Variants in PCDH11X observed in about 807,000 individuals in gnomAD.
PCDH11X encodes the protein protocadherin 11 X-linked.
Under a neutral mutation model 53.3 loss-of-function variants are expected in PCDH11X, and 18 were observed. The ratio of observed to expected loss-of-function variants is 0.34; its 90% CI spans 0.23 to 0.50. The LOEUF is 0.50. Among genes scored for constraint, PCDH11X ranks in the 20% least tolerant of loss-of-function variants. PCDH11X has a pLI of 0.98. For missense variants in PCDH11X, 570 were observed against 1,032.4 expected, an observed-to-expected ratio of 0.55 and a Z score of 6.14; for synonymous variants, 279 against 393.3, an observed-to-expected ratio of 0.71 and a Z score of 3.44.
At chrX:91,902,090 G>A in intron 6 of PCDH11X, among the ~76,000 whole-genome samples, 1 of 111,457 alleles carries the variant, frequency 9.0e-6, no homozygotes, top group Admixed American at 9.5e-5. Context: ...AGATGTTAGG[G>A]CCATGTTATT....
chrX:92,564,315 A>C (rs1484789194), intron 10 of PCDH11X, among the ~76,000 whole-genome samples: 1 of 105,504 alleles, frequency 9.5e-6, no homozygotes, highest in Non-Finnish European at 2.0e-5. Flanking sequence ...AGTCAAAGCT[A>C]TTCTGAGCCA....
intron 5 of PCDH11X, among the ~76,000 whole-genome samples, chrX:91,842,709 A>G (rs2147636109): frequency 9.6e-6 from 1 of 104,552 alleles, no homozygotes; most frequent in Non-Finnish European, 1.9e-5. Context: ...TTGCTGGTAA[A>G]CTGAGGAAAG....
intron 8 of PCDH11X, among the ~76,000 whole-genome samples, chrX:92,274,982 A>G (rs938633263): frequency 1.3e-4 from 14 of 109,955 alleles, no homozygotes; most frequent in African/African-American, 4.6e-4. Context: ...AACAATGGTA[A>G]TTGTGGGACT....
intron 10 of PCDH11X, among the ~76,000 whole-genome samples, chrX:92,517,449 A>G (rs1456048166): frequency 4.5e-5 from 5 of 111,988 alleles, no homozygotes; most frequent in Non-Finnish European, 9.4e-5. Flanking sequence ...TAATTCAAAC[A>G]TGGATTGCTT....
At chrX:92,540,150 A>G (rs2074731993) in intron 10 of PCDH11X, among the ~76,000 whole-genome samples, 1 of 111,364 alleles carries the variant, frequency 9.0e-6, no homozygotes, top group Admixed American at 9.5e-5. Flanking sequence ...TAGGGCAGTG[A>G]TATCTCTCAG....
At chrX:92,386,232 A>T (rs2071009156) in intron 8 of PCDH11X, among the ~76,000 whole-genome samples, 1 of 110,983 alleles carries the variant, frequency 9.0e-6, no homozygotes, top group South Asian at 3.8e-4. Context: ...ATATCTTCCA[A>T]TAAGTTTGAA....
chrX:92,373,152 A>G (rs976684604), intron 8 of PCDH11X, among the ~76,000 whole-genome samples: 18 of 107,740 alleles, frequency 1.7e-4, no homozygotes, highest in Non-Finnish European at 2.3e-4. Context: ...ATATTTATTC[A>G]ATACAAGTTT....
chrX:91,910,631 G>A (rs1482921028), intron 6 of PCDH11X, among the ~76,000 whole-genome samples: 1 of 110,289 alleles, frequency 9.1e-6, no homozygotes, highest in African/African-American at 3.3e-5. Flanking sequence ...ATGTGGGCAT[G>A]TTCAAATCTT....
intron 10 of PCDH11X, among the ~76,000 whole-genome samples, chrX:92,604,263 GC>G (rs1926550161): frequency 9.2e-6 from 1 of 109,229 alleles, no homozygotes; most frequent in Admixed American, 9.9e-5. Flanking sequence ...AATAATTATG[GC>G]AATGTAGTTA....
intron 6 of PCDH11X, among the ~76,000 whole-genome samples, chrX:91,967,556 A>G (rs1202917881): frequency 9.2e-6 from 1 of 109,064 alleles, no homozygotes; most frequent in Non-Finnish European, 1.9e-5. Flanking sequence ...CAACCATGGA[A>G]AATTGTCTTC....
chrX:92,208,536 T>TATATATATATATATATATATATATAC (rs1408059749), intron 7 of PCDH11X, among the ~76,000 whole-genome samples: 35 of 80,057 alleles, frequency 4.4e-4, no homozygotes, highest in African/African-American at 1.6e-3. Flanking sequence ...TATATATATA[T>TATATATATATATATATATATATATAC]ACAATTTTTT....
At chrX:92,207,765 T>A (rs889131987) in intron 7 of PCDH11X, among the ~76,000 whole-genome samples, 3 of 111,725 alleles carry the variant, frequency 2.7e-5, no homozygotes, top group African/African-American at 9.8e-5. Context: ...TTATGACTCA[T>A]GTCTCCTACA....
At position 92,622,413 on chromosome X, in the gene PCDH11X, C is replaced by A. The variant is rs1928578157; in HGVS notation, c.*3473C>A. 9.0e-6 allele frequency: 1 copy of A among 110,897 alleles called. No homozygotes were observed. Among genetic ancestry groups the A allele is most frequent in the African/African-American group, 3.3e-5 (1 of 30,716 alleles). The allele number at this position is 110,897 out of a possible 1,213,427, so 9.1% of individuals were successfully genotyped here. On this transcript the variant is annotated 3_prime_UTR_variant, in exon 11 of 11. Coordinates refer to ENST00000682573, the MANE Select transcript of PCDH11X (RefSeq NM_032968.5). ...CAACATTAGTTTTTTTTGTTTGTTT[C>A]TTTTTCATGGTATTACTGAAGGTGT...
intron 6 of PCDH11X, among the ~76,000 whole-genome samples, chrX:92,025,326 T>G (rs2562899): frequency 0.076 from 8,089 of 106,141 alleles, 404 homozygotes; most frequent in East Asian, 0.26. Context: ...CAAAGGATAT[T>G]AATCTGCAAG....
intron 6 of PCDH11X, among the ~76,000 whole-genome samples, chrX:91,971,506 G>T (rs1215121817): frequency 3.6e-4 from 40 of 109,868 alleles, no homozygotes; most frequent in Non-Finnish European, 6.5e-4. Context: ...AGGGTAAGGT[G>T]GCTGAATTTC....
At chrX:91,796,389 GT>G (rs1247794653) in intron 1 of PCDH11X, among the ~76,000 whole-genome samples, 4 of 110,775 alleles carry the variant, frequency 3.6e-5, no homozygotes, top group Non-Finnish European at 7.6e-5. Flanking sequence ...TTTAGGTGTA[GT>G]TTTTTTAATT....
At chrX:91,853,154 T>C (rs1329699074) in intron 5 of PCDH11X, among the ~76,000 whole-genome samples, 2 of 110,236 alleles carry the variant, frequency 1.8e-5, no homozygotes, top group Non-Finnish European at 3.8e-5. Context: ...TTATCGTAAA[T>C]GTAGAAGTTA....
intron 6 of PCDH11X, among the ~76,000 whole-genome samples, chrX:92,120,449 C>T (rs1009826668): frequency 1.3e-4 from 15 of 112,733 alleles, no homozygotes; most frequent in African/African-American, 4.2e-4. Context: ...TGCGCCACCG[C>T]GCCTGGCCAC....
chrX:91,894,019 A>T (rs748684202), intron 6 of PCDH11X, among the ~76,000 whole-genome samples: 1 of 111,515 alleles, frequency 9.0e-6, no homozygotes, highest in African/African-American at 3.3e-5. Flanking sequence ...ACATTCTGGG[A>T]AATTGGGGTT....
Sources: allele counts gnomAD v4.1 joint callset (sites outside exome capture counted in the v4.1 genomes callset), GRCh38; gene constraint gnomAD v4.1.1; transcripts MANE v1.5; gene names NCBI Gene and HGNC (gene_info 2026-07-23, HGNC 2026-07-21).